The following MEF2D variants were observed in gnomAD, a reference collection of about 807,000 sequenced individuals.
MEF2D encodes myocyte-specific enhancer factor 2D.
Under a neutral mutation model 59.3 loss-of-function variants are expected in MEF2D, and 10 were observed. The ratio of observed to expected loss-of-function variants is 0.17; its 90% CI spans 0.10 to 0.29. The LOEUF (loss-of-function observed/expected upper bound fraction) is 0.29, where lower values mean the gene tolerates loss of function less well. Among genes scored for constraint, MEF2D ranks in the 10% least tolerant of loss-of-function variants. MEF2D has a pLI of 1.00. For missense variants in MEF2D, 508 were observed against 699.4 expected (o/e 0.73, Z 3.09); for synonymous variants, 305 against 295.0 (o/e 1.03, Z -0.35).
chr1:156,476,936 G>A (rs1375875859), intron 7 of MEF2D, 76 bp downstream of exon 7: 1 of 1,541,480 alleles, frequency 6.5e-7, no homozygotes, highest in African/African-American at 1.4e-5. Flanking sequence ...CATCTCTCCT[G>A]CTAGAGGTCT....
In MEF2D at chr1:156,468,939, G is replaced by C. The variant is rs1274526437; in HGVS notation, c.1088C>G (p.Ala363Gly). The change falls in exon 10 of 12, where the codon GCC becomes GGC. Residue 363 changes from alanine (A) to glycine (G), a missense_variant. By Grantham distance (60) the Ala-to-Gly change is moderately conservative (BLOSUM62 0). Around this residue, in one of 2 missense-constraint regions of MEF2D, gnomAD observed 481 missense variants for 584.7 expected, o/e 0.82. Coordinates refer to ENST00000348159, the MANE Select transcript of MEF2D (RefSeq NM_005920.4). This position sits in a 1 kb window ranked among gnomAD's most constrained non-coding sequence, Gnocchi z 4.3. ...PGGLSLGNVT[A>G]WQQPQQPQQP... ...CTGGGGCTGCTGTGGCTGTTGCCAG[G>C]CAGTGACATTGCCTAGCGACAGCCC... The C allele has an allele frequency of 6.2e-7, 1 of 1,613,954 alleles. No homozygotes were observed. Among genetic ancestry groups the C allele is most frequent in the South Asian group, 1.1e-5 (1 of 91,068 alleles).
intron 1 of MEF2D, among the ~76,000 whole-genome samples, chr1:156,498,117 A>AAC (rs1673245996): frequency 6.6e-6 from 1 of 150,984 alleles, no homozygotes; most frequent in African/African-American, 2.4e-5. Flanking sequence ...AAAAAAAAAA[A>AAC]AAAAAAAAAA....
intron 1 of MEF2D, among the ~76,000 whole-genome samples, chr1:156,499,009 C>A (rs1221398399): frequency 2.0e-5 from 3 of 152,204 alleles, no homozygotes; most frequent in Non-Finnish European, 4.4e-5. Context: ...TCTGTGAACA[C>A]TGACATGTGC....
At chr1:156,476,848 C>T in intron 7 of MEF2D, 164 bp downstream of exon 7, 1 of 822,164 alleles carries the variant, frequency 1.2e-6, no homozygotes, top group Non-Finnish European at 1.9e-6. Flanking sequence ...TCTTAAAAGG[C>T]CCTCTGGGAA....
intron 9 of MEF2D, among the ~76,000 whole-genome samples, chr1:156,470,373 C>T (rs887768897): frequency 6.6e-6 from 1 of 150,450 alleles, no homozygotes; most frequent in Non-Finnish European, 1.5e-5. Flanking sequence ...GAGTGGAGAT[C>T]GCACCACTGC....
intron 8 of MEF2D, among the ~76,000 whole-genome samples, chr1:156,475,705 A>C (rs1671526828): frequency 6.6e-6 from 1 of 152,230 alleles, no homozygotes; most frequent in South Asian, 2.1e-4. Flanking sequence ...TGTCAGCTCC[A>C]TCTGCCGCTG....
chr1:156,477,177 A>C lies in MEF2D; in HGVS notation c.690T>G (p.Ala230=). The C allele has an allele frequency of 6.2e-7, 1 of 1,611,142 alleles. No homozygotes were observed. The highest frequency in any genetic ancestry group is 2.2e-5 in the East Asian group (1 of 44,848). The change falls in exon 7 of 12, where the codon GCT becomes GCG. Residue 230 remains alanine, a synonymous_variant. Transcript: ENST00000348159. ...TGGCCACAGGGAGGAGGCCAGGGGA[A>C]GCCCGAGCACTGACGTAGCCATTCC... is the stretch of plus-strand genomic sequence containing the variant. ...PVGNGYVSAR[A]SPGLLPVANG...
At position 156,493,173 on chromosome 1, in the gene MEF2D, A is replaced by G. The variant is rs577733089; in HGVS notation, c.-139+7313T>C. 2.0e-4 allele frequency among the ~76,000 whole-genome samples: 30 copies of G among 152,282 alleles called. No individual in the cohort carries two copies. The South Asian group carries it at 6.0e-3, about 31-fold the overall frequency. ...CCCTGATTGCTGGGACATGAGAGCT[A>G]AGAGAGAGGGGAAAGAGTCCAAGGC... On this transcript the variant is annotated intron_variant, in intron 1 of 11. Transcript: ENST00000348159.
chr1:156,468,704 G>C lies in MEF2D; in HGVS notation c.1247+76C>G. On this transcript the variant is annotated intron_variant, in intron 10 of 11. Coordinates refer to ENST00000348159, the MANE Select transcript of MEF2D (RefSeq NM_005920.4). The surrounding 1 kb of genome is among the most constrained non-coding windows in gnomAD (Gnocchi z 4.3). ...CCACTAGAACCCTGCAGGGAACCCAGCTCCCAAGAGGTCCCTCCTCTTCCC... is the reference window on the plus strand; with the variant it reads ...CCACTAGAACCCTGCAGGGAACCCACCTCCCAAGAGGTCCCTCCTCTTCCC... The C allele has an allele frequency of 6.4e-7, 1 of 1,557,548 alleles. No homozygotes were observed. Among genetic ancestry groups the C allele is most frequent in the Non-Finnish European group, 8.7e-7 (1 of 1,147,006 alleles).
intron 9 of MEF2D, among the ~76,000 whole-genome samples, chr1:156,469,454 T>C (rs1197434793): frequency 2.0e-5 from 3 of 152,036 alleles, no homozygotes; most frequent in East Asian, 3.9e-4. Flanking sequence ...GATGGGGTTT[T>C]GCTATGCTGG....
At chr1:156,475,508 C>T (rs1440842739) in intron 8 of MEF2D, among the ~76,000 whole-genome samples, 1 of 152,242 alleles carries the variant, frequency 6.6e-6, no homozygotes, top group Non-Finnish European at 1.5e-5. Context: ...CCAGCACCAA[C>T]ACTCGCCCAG....
intron 1 of MEF2D, among the ~76,000 whole-genome samples, chr1:156,488,497 CA>C (rs143586308): frequency 0.027 from 4,122 of 152,202 alleles, 79 homozygotes; most frequent in Middle Eastern, 0.044. Flanking sequence ...CTGAGGGGAC[CA>C]GGGGGAATCA....
chr1:156,480,001 C>T (rs1055954465), intron 4 of MEF2D, among the ~76,000 whole-genome samples: 1 of 152,248 alleles, frequency 6.6e-6, no homozygotes, highest in Admixed American at 6.5e-5. Context: ...ACTCTGGGTC[C>T]ATACTCTGGG....
chr1:156,467,512 G>A lies in MEF2D; in HGVS notation c.*133C>T. The A allele has an allele frequency of 2.0e-6, 1 of 500,542 alleles. No individual in the cohort carries two copies. The highest frequency in any genetic ancestry group is 3.4e-6 in the Non-Finnish European group (1 of 290,820). The allele number at this position is 500,542 out of a possible 1,614,324, so 31.0% of individuals were successfully genotyped here. On this transcript the variant is annotated 3_prime_UTR_variant, in exon 12 of 12. Transcript: ENST00000348159. ...AATAATATAATAATTATACACAAAT[G>A]TAACCGTCAACAGGACACGAAGCAC... is the stretch of plus-strand genomic sequence containing the variant.
At chr1:156,496,445 G>A (rs779718406) in intron 1 of MEF2D, among the ~76,000 whole-genome samples, 78 of 152,142 alleles carry the variant, frequency 5.1e-4, no homozygotes, top group African/African-American at 1.5e-3. Context: ...AGAGGGGCAC[G>A]TGGGGGAGGG....
At chr1:156,485,675 A>G (rs1457754964) in intron 1 of MEF2D, among the ~76,000 whole-genome samples, 4 of 150,534 alleles carry the variant, frequency 2.7e-5, no homozygotes, top group Non-Finnish European at 5.9e-5. Flanking sequence ...GTATGCCACC[A>G]CACCCAGGTA....
rs1342106716 is a variant in MEF2D at position 156,482,587 on chromosome 1, G to A, written c.108C>T (p.Ser36=). The A allele has an allele frequency of 2.5e-6, 4 of 1,614,102 alleles. No individual in the cohort carries two copies. The highest frequency in any genetic ancestry group is 2.7e-5 in the African/African-American group (2 of 74,932). The change falls in exon 3 of 12, where the codon AGC becomes AGT. Residue 36 remains serine (S), a synonymous_variant. Coordinates refer to ENST00000348159, the MANE Select transcript of MEF2D (RefSeq NM_005920.4). ...FGLMKKAYEL[S]VLCDCEIALI... Reference sequence around the variant, plus strand: ...GTGCGATCTCGCAGTCACATAGCACGCTCAGCTCATACGCCTTCTTCATCA... The same window carrying A: ...GTGCGATCTCGCAGTCACATAGCACACTCAGCTCATACGCCTTCTTCATCA...
At chr1:156,481,116 C>T in intron 3 of MEF2D, 145 bp from the exon 4 acceptor site, 1 of 1,117,184 alleles carries the variant, frequency 9.0e-7, no homozygotes, top group Non-Finnish European at 1.3e-6. Context: ...CCCCTCCCCA[C>T]TGACAGTGCC....
chr1:156,492,235 T>A (rs2102242971), intron 1 of MEF2D, among the ~76,000 whole-genome samples: 1 of 152,266 alleles, frequency 6.6e-6, no homozygotes, highest in South Asian at 2.1e-4. Flanking sequence ...TAGCTCCATT[T>A]CCAAAACGCA....
Sources: allele counts gnomAD v4.1 joint callset (sites outside exome capture counted in the v4.1 genomes callset), GRCh38; gene constraint gnomAD v4.1.1; regional missense constraint gnomAD v4.1.1; non-coding constraint Gnocchi (gnomAD v3.1); transcripts MANE v1.5; gene names NCBI Gene and HGNC (gene_info 2026-07-23, HGNC 2026-07-21).